The following PTPRN2 variants were observed in gnomAD, a reference collection of about 807,000 sequenced individuals.
PTPRN2 encodes protein tyrosine phosphatase receptor type N2.
PTPRN2 carries 74 observed loss-of-function variants against 118.8 expected under a neutral mutation model. The ratio of observed to expected loss-of-function variants is 0.62; its 90% CI spans 0.52 to 0.76. The LOEUF is 0.76. PTPRN2 is among the 30% of genes least tolerant of loss of function. PTPRN2 has a pLI of 0.00. For missense variants in PTPRN2, 1,481 were observed against 1,394.4 expected, an observed-to-expected ratio of 1.06 and a Z score of -0.99; for synonymous variants, 641 against 608.0, an observed-to-expected ratio of 1.05 and a Z score of -0.80.
rs35071475 is a variant in PTPRN2, at chr7:157,583,883, A to AACACACACACAC, written c.2497-5755_2497-5744dup. Among the ~76,000 whole-genome samples the AACACACACACAC allele has an allele frequency of 3.0e-5, 4 of 134,158 alleles. No individual in the cohort carries two copies. Among genetic ancestry groups the AACACACACACAC allele is most frequent in the Non-Finnish European group, 6.4e-5 (4 of 62,974 alleles). 88.0% of individuals were successfully genotyped at this position (134,158 alleles called of 152,430 possible). A position where few individuals can be genotyped will look rare whatever the true frequency, so the allele number is the denominator to read the frequency against. On this transcript the variant is annotated intron_variant, in intron 17 of 22. Coordinates refer to ENST00000389418, the MANE Select transcript of PTPRN2 (RefSeq NM_002847.5). The surrounding 1 kb of genome is among the most constrained non-coding windows in gnomAD (Gnocchi z 5.5). ...GGTGACAGAGCGAGACTCTGTCTCA[A>AACACACACACAC]ACACACACACACACACACACACACA...
At chr7:158,539,817 G>A (rs912535379) in intron 1 of PTPRN2, 1 of 250,402 alleles carries the variant, frequency 4.0e-6, no homozygotes, top group African/African-American at 2.4e-5. Flanking sequence ...TGTGAGCCTG[G>A]AGCTGGTGGC....
Position 157,896,553 on chromosome 7 carries a change from T to C in PTPRN2, c.1788+2120A>G, listed in dbSNP as rs528086601. Among the ~76,000 whole-genome samples the C allele has an allele frequency of 5.9e-5, 9 of 151,742 alleles. No homozygotes were observed. The East Asian group carries it at 1.6e-3, about 26-fold the overall frequency. ...TGTGAGTGGGCAGCCGGGGAGGTGC[T>C]GTCCCCCATGCTCACGTGTGCGTGG... On this transcript the variant is annotated intron_variant, in intron 12 of 22. Coordinates refer to ENST00000389418, the MANE Select transcript of PTPRN2 (RefSeq NM_002847.5).
At chr7:157,776,524 T>TC (rs1563096918) in intron 12 of PTPRN2, among the ~76,000 whole-genome samples, 1 of 41,674 alleles carries the variant, frequency 2.4e-5, no homozygotes. Context: ...TCCTTCTCCC[T>TC]CTCCTCTCTC....
chr7:158,396,000 T>C (rs1480900865), intron 2 of PTPRN2, among the ~76,000 whole-genome samples: 1 of 152,062 alleles, frequency 6.6e-6, no homozygotes, highest in African/African-American at 2.4e-5. Context: ...CCGCGACCCA[T>C]GGGGCAGAGC....
At chr7:158,333,590 A>C in intron 2 of PTPRN2, among the ~76,000 whole-genome samples, 1 of 151,276 alleles carries the variant, frequency 6.6e-6, no homozygotes, top group African/African-American at 2.5e-5. Flanking sequence ...GGCACACGTC[A>C]CACACACCCA....
At chr7:158,120,994 C>T (rs1302903302) in intron 9 of PTPRN2, among the ~76,000 whole-genome samples, 2 of 152,208 alleles carry the variant, frequency 1.3e-5, no homozygotes, top group African/African-American at 4.8e-5. Flanking sequence ...CTGCTCCAAG[C>T]CAAACCCTCC....
chr7:158,050,800 T>C (rs1343739897), intron 11 of PTPRN2, among the ~76,000 whole-genome samples: 1 of 152,250 alleles, frequency 6.6e-6, no homozygotes, highest in African/African-American at 2.4e-5. Flanking sequence ...AAATAAGTCC[T>C]GTTCCTTCCT....
At chr7:158,506,392 T>G (rs1428472280) in intron 1 of PTPRN2, among the ~76,000 whole-genome samples, 1 of 152,192 alleles carries the variant, frequency 6.6e-6, no homozygotes, top group South Asian at 2.1e-4. Context: ...CCTCCTTCAG[T>G]AGAATGACTA....
chr7:158,452,801 G>C (rs1283227692), intron 2 of PTPRN2, among the ~76,000 whole-genome samples: 1 of 152,214 alleles, frequency 6.6e-6, no homozygotes, highest in Non-Finnish European at 1.5e-5. Flanking sequence ...GGCACATTTG[G>C]GGCGGCTGTT....
intron 2 of PTPRN2, among the ~76,000 whole-genome samples, chr7:158,417,257 C>T (rs1814752254): frequency 6.6e-6 from 1 of 152,042 alleles, no homozygotes; most frequent in Non-Finnish European, 1.5e-5. Context: ...TGTGTTAAGT[C>T]ATGGTGTACT....
chr7:158,084,934 T>TCGACGCCCATCCACACCCA (rs1171117762), intron 10 of PTPRN2, among the ~76,000 whole-genome samples: 40 of 46,486 alleles, frequency 8.6e-4, no homozygotes, highest in African/African-American at 3.4e-3. Flanking sequence ...ATCCACACCC[T>TCGACGCCCATCCACACCCA]CGACGCCCAT....
In PTPRN2 at chr7:157,629,526, C is replaced by A. The variant is rs1295745991; in HGVS notation, c.2197-8017G>T. Among the ~76,000 whole-genome samples the A allele has an allele frequency of 2.6e-5, 4 of 152,198 alleles. No homozygotes were observed. Among genetic ancestry groups the A allele is most frequent in the African/African-American group, 9.7e-5 (4 of 41,448 alleles). On this transcript the variant is annotated intron_variant, in intron 14 of 22. Transcript: ENST00000389418. The surrounding 1 kb of genome is among the most constrained non-coding windows in gnomAD (Gnocchi z 4.4). ...AATGAGCAAAAGCCGGTCCATCTGG[C>A]ATTATTTCTCATCAATCAAACCACT...
At chr7:157,790,249 T>C (rs1804393318) in intron 12 of PTPRN2, among the ~76,000 whole-genome samples, 1 of 116,058 alleles carries the variant, frequency 8.6e-6, no homozygotes, top group South Asian at 2.9e-4. Context: ...GTGTCTGTGG[T>C]GGGGGTGTGT....
At chr7:158,479,473 A>G (rs1360488366) in intron 2 of PTPRN2, among the ~76,000 whole-genome samples, 1 of 152,118 alleles carries the variant, frequency 6.6e-6, no homozygotes, top group Admixed American at 6.5e-5. Context: ...ATGATTAGCA[A>G]TCACAGGCTG....
At chr7:158,487,134 T>C (rs568363551) in intron 2 of PTPRN2, among the ~76,000 whole-genome samples, 1 of 152,364 alleles carries the variant, frequency 6.6e-6, no homozygotes, top group Non-Finnish European at 1.5e-5. Context: ...TGCGTACTAT[T>C]CCATCATGTG....
chr7:157,805,963 C>T (rs1012191900), intron 12 of PTPRN2, among the ~76,000 whole-genome samples: 6 of 152,112 alleles, frequency 3.9e-5, no homozygotes, highest in African/African-American at 4.8e-5. Context: ...GGCTGGGTGA[C>T]GGCCCAGGTG....
rs1307088590 is a variant in PTPRN2, at chr7:157,671,260, C to T, written c.2001+11465G>A. 1.3e-5 allele frequency among the ~76,000 whole-genome samples: 2 copies of T among 152,222 alleles called. No homozygotes were observed. The highest frequency in any genetic ancestry group is 2.9e-5 in the Non-Finnish European group (2 of 68,042). On this transcript the variant is annotated intron_variant, in intron 13 of 22. Coordinates refer to ENST00000389418, the MANE Select transcript of PTPRN2 (RefSeq NM_002847.5). This position sits in a 1 kb window ranked among gnomAD's most constrained non-coding sequence, Gnocchi z 4.1. ...TTGGGAAGCCAAGGCTGTCCCCACA[C>T]GGGCTGGTCTGGTGTGGGCAACAAG... is the stretch of plus-strand genomic sequence containing the variant.
At chr7:158,273,739 C>G (rs1472681545) in intron 3 of PTPRN2, among the ~76,000 whole-genome samples, 2 of 125,330 alleles carry the variant, frequency 1.6e-5, no homozygotes, top group South Asian at 5.6e-4. Context: ...ACACAAGGAG[C>G]CGCAGACACA....
intron 14 of PTPRN2, among the ~76,000 whole-genome samples, chr7:157,642,783 T>G (rs1441811031): frequency 8.9e-6 from 1 of 111,912 alleles, no homozygotes; most frequent in Non-Finnish European, 1.7e-5. Flanking sequence ...ATTCACACAC[T>G]ATAAGAAGGG....
Sources: gnomAD v4.1 joint callset for allele counts (sites outside exome capture counted in the v4.1 genomes callset) on GRCh38, gnomAD v4.1.1 for gene constraint, Gnocchi (gnomAD v3.1) non-coding constraint, MANE v1.5 for transcripts, NCBI Gene and HGNC (gene_info 2026-07-23, HGNC 2026-07-21) for gene names.